The following KCNC2 variants were observed in gnomAD, a reference collection of about 807,000 sequenced individuals.
KCNC2 encodes voltage-gated potassium channel KCNC2.
In KCNC2, 21 loss-of-function variants were observed where a neutral mutation model predicts 44.5. The observed-to-expected ratio is 0.47, with a 90% CI of 0.33 to 0.68. The LOEUF is 0.68. Ranked by LOEUF, KCNC2 falls within the 30% of genes least tolerant of loss-of-function variation. The pLI, the probability that KCNC2 is intolerant of heterozygous loss-of-function variation, is 0.01. For missense variants in KCNC2, 589 were observed against 826.2 expected, an observed-to-expected ratio of 0.71 and a Z score of 3.52; for synonymous variants, 391 against 339.1, an observed-to-expected ratio of 1.15 and a Z score of -1.68.
chr12:75,111,533 T>C (rs11180368), intron 2 of KCNC2, among the ~76,000 whole-genome samples: 2 of 151,770 alleles, frequency 1.3e-5, no homozygotes, highest in African/African-American at 4.8e-5. Context: ...TATCAATAAG[T>C]ATCCTTTTTA....
chr12:75,095,453 C>T (rs1444927864), intron 2 of KCNC2, among the ~76,000 whole-genome samples: 2 of 151,788 alleles, frequency 1.3e-5, no homozygotes, highest in Non-Finnish European at 2.9e-5. Context: ...TGTTTCTAGT[C>T]AAGTCATTCT....
At chr12:75,157,489 C>T (rs546016971) in intron 2 of KCNC2, among the ~76,000 whole-genome samples, 1 of 152,032 alleles carries the variant, frequency 6.6e-6, no homozygotes, top group Admixed American at 6.6e-5. Flanking sequence ...AATTCAATCT[C>T]TAACTAATAG....
At chr12:75,129,929 T>C (rs1888709609) in intron 2 of KCNC2, among the ~76,000 whole-genome samples, 1 of 152,220 alleles carries the variant, frequency 6.6e-6, no homozygotes, top group Non-Finnish European at 1.5e-5. Context: ...TCATGAATAG[T>C]TTCCTAAAGA....
At chr12:75,116,185 T>C (rs571526520) in intron 2 of KCNC2, among the ~76,000 whole-genome samples, 10 of 152,248 alleles carry the variant, frequency 6.6e-5, no homozygotes, top group African/African-American at 2.2e-4. Context: ...GCATCACCAT[T>C]TGAGGGTCAT....
intron 2 of KCNC2, among the ~76,000 whole-genome samples, chr12:75,053,710 T>C (rs1246485574): frequency 2.0e-5 from 3 of 149,004 alleles, no homozygotes; most frequent in Non-Finnish European, 4.5e-5. Context: ...TCAAATATTC[T>C]TTTTATTTTC....
intron 2 of KCNC2, among the ~76,000 whole-genome samples, chr12:75,057,277 T>G (rs1881846979): frequency 6.6e-6 from 1 of 151,950 alleles, no homozygotes; most frequent in Non-Finnish European, 1.5e-5. Context: ...ATACACTAAT[T>G]TTGCCATAAT....
chr12:75,134,781 C>T (rs1239566249), intron 2 of KCNC2, among the ~76,000 whole-genome samples: 1 of 151,852 alleles, frequency 6.6e-6, no homozygotes, highest in African/African-American at 2.4e-5. Flanking sequence ...TTAGAAAACA[C>T]TTTCAGCCTA....
intron 2 of KCNC2, among the ~76,000 whole-genome samples, chr12:75,053,241 C>T (rs1343203950): frequency 7.2e-6 from 1 of 138,484 alleles, no homozygotes. Context: ...TCATTAGAGT[C>T]CTGCCAATAT....
At chr12:75,056,109 T>C (rs565204983) in intron 2 of KCNC2, among the ~76,000 whole-genome samples, 2 of 152,136 alleles carry the variant, frequency 1.3e-5, no homozygotes, top group South Asian at 2.1e-4. Context: ...TTAAACATTC[T>C]ATCCCCAGGA....
At chr12:75,080,599 G>T (rs952760099) in intron 2 of KCNC2, among the ~76,000 whole-genome samples, 2 of 152,050 alleles carry the variant, frequency 1.3e-5, no homozygotes, top group African/African-American at 4.8e-5. Flanking sequence ...GGCTGGAATT[G>T]TACCAAATGA....
intron 2 of KCNC2, among the ~76,000 whole-genome samples, chr12:75,199,869 TTAA>T (rs2031093665): frequency 6.6e-6 from 1 of 152,000 alleles, no homozygotes; most frequent in South Asian, 2.1e-4. Context: ...GTATCATTTC[TTAA>T]TTATCTAAAT....
intron 2 of KCNC2, among the ~76,000 whole-genome samples, chr12:75,199,972 G>A (rs948097562): frequency 8.6e-5 from 13 of 151,928 alleles, no homozygotes; most frequent in Non-Finnish European, 3.0e-5. Flanking sequence ...AAGTGCATAA[G>A]CAGGCTATTT....
rs55960035 is a variant in KCNC2, at chr12:75,158,485, T to C, written c.687+48812A>G. ...CAAAACAAAGTAACAGCCTACATTC[T>C]CTTGCCTTTACATTGGGTGTAATTT... On this transcript the variant is annotated intron_variant, in intron 2 of 4. Coordinates refer to ENST00000549446, the MANE Select transcript of KCNC2 (RefSeq NM_139137.4). Among the ~76,000 whole-genome samples, 1,163 of 152,054 alleles carry C rather than the reference T, an allele frequency of 7.6e-3. 17 individuals are homozygous for C. Among genetic ancestry groups the C allele is most frequent in the African/African-American group, 0.027 (1,103 of 41,558 alleles).
intron 2 of KCNC2, among the ~76,000 whole-genome samples, chr12:75,123,174 C>G (rs1403363334): frequency 6.6e-6 from 1 of 152,018 alleles, no homozygotes; most frequent in Non-Finnish European, 1.5e-5. Context: ...TAAGTTTCAG[C>G]TTCAAAATCA....
chr12:75,092,170 T>G (rs1277029012), intron 2 of KCNC2, among the ~76,000 whole-genome samples: 1 of 151,596 alleles, frequency 6.6e-6, no homozygotes, highest in Non-Finnish European at 1.5e-5. Flanking sequence ...TAACTCCTAG[T>G]GACTAAAAAT....
chr12:75,147,493 T>C (rs1222449618), intron 2 of KCNC2, among the ~76,000 whole-genome samples: 1 of 151,972 alleles, frequency 6.6e-6, no homozygotes, highest in African/African-American at 2.4e-5. Flanking sequence ...ATTAAAACAA[T>C]CCAAGAAGTG....
At chr12:75,088,351 T>TCTC (rs1470311130) in intron 2 of KCNC2, among the ~76,000 whole-genome samples, 1 of 152,094 alleles carries the variant, frequency 6.6e-6, no homozygotes, top group East Asian at 1.9e-4. Flanking sequence ...TTAACTTGTC[T>TCTC]CTCCTACAAT....
At chr12:75,109,806 G>A (rs1462797339) in intron 2 of KCNC2, among the ~76,000 whole-genome samples, 4 of 152,036 alleles carry the variant, frequency 2.6e-5, no homozygotes, top group Non-Finnish European at 5.9e-5. Context: ...ATTTTAAATA[G>A]TTCACATAGA....
At chr12:75,133,220 G>A (rs1380981769) in intron 2 of KCNC2, among the ~76,000 whole-genome samples, 1 of 151,752 alleles carries the variant, frequency 6.6e-6, no homozygotes, top group Non-Finnish European at 1.5e-5. Flanking sequence ...GTGTTTGATA[G>A]CACAATGGGA....
Sources: gnomAD v4.1 joint callset for allele counts (sites outside exome capture counted in the v4.1 genomes callset) on GRCh38, gnomAD v4.1.1 for gene constraint, MANE v1.5 for transcripts, NCBI Gene and HGNC (gene_info 2026-07-23, HGNC 2026-07-21) for gene names.